The following RPS6KA2 variants were observed in gnomAD, a reference collection of about 807,000 sequenced individuals.
RPS6KA2 encodes the protein ribosomal protein S6 kinase A2.
A neutral mutation model predicts 91.8 loss-of-function variants in RPS6KA2; 42 were observed. That is an observed-to-expected ratio of 0.46 (90% CI 0.36 to 0.59). The LOEUF is 0.59. RPS6KA2 is among the 20% of genes least tolerant of loss of function. RPS6KA2 has a pLI of 0.00. For synonymous variants in RPS6KA2, 414 were observed against 393.6 expected, an observed-to-expected ratio of 1.05 and a Z score of -0.61; for missense variants, 798 against 978.5, an observed-to-expected ratio of 0.82 and a Z score of 2.46.
rs1781753886 is a variant in RPS6KA2, at chr6:166,495,472, G to A, written c.747+3036C>T. ...GACGTGCCGGGCAGCGCTGGGCCAG[G>A]CCTCCTTCAGAAGCTCTCAATATCA... On this transcript the variant is annotated intron_variant, in intron 8 of 20. Coordinates refer to ENST00000265678, the MANE Select transcript of RPS6KA2 (RefSeq NM_021135.6). This position sits in a 1 kb window ranked among gnomAD's most constrained non-coding sequence, Gnocchi z 4.4. Among the ~76,000 whole-genome samples the A allele has an allele frequency of 2.0e-5, 3 of 152,190 alleles. No individual in the cohort carries two copies. Among genetic ancestry groups the A allele is most frequent in the African/African-American group, 7.2e-5 (3 of 41,438 alleles).
At position 166,571,536 on chromosome 6, in the gene RPS6KA2, C is replaced by G. The variant is rs28599916; in HGVS notation, c.100-32752G>C. Among the ~76,000 whole-genome samples, 72 of 152,326 alleles carry G rather than the reference C, an allele frequency of 4.7e-4. 1 individual carries two copies. The highest frequency in any genetic ancestry group is 4.6e-3 in the Admixed American group (70 of 15,308). Reference sequence around the variant, plus strand: ...GTGTGTGCATGAATGCACGCACATGCGCGTTCTAGCACTCCAAAATAAACA... The same window carrying G: ...GTGTGTGCATGAATGCACGCACATGGGCGTTCTAGCACTCCAAAATAAACA... On this transcript the variant is annotated intron_variant, in intron 1 of 20. Coordinates refer to ENST00000265678, the MANE Select transcript of RPS6KA2 (RefSeq NM_021135.6).
At chr6:166,521,211 G>T (rs938396415) in intron 3 of RPS6KA2, among the ~76,000 whole-genome samples, 2 of 152,226 alleles carry the variant, frequency 1.3e-5, no homozygotes, top group Non-Finnish European at 2.9e-5. Flanking sequence ...AAATTTCAAA[G>T]GCTGGGGTCC....
chr6:166,756,241 G>C (rs987162864), intron 2 of RPS6KA2, among the ~76,000 whole-genome samples: 2 of 152,012 alleles, frequency 1.3e-5, no homozygotes, highest in African/African-American at 4.8e-5. Flanking sequence ...AGTGAGCCGA[G>C]ATCGCACCAC....
intron 2 of RPS6KA2, among the ~76,000 whole-genome samples, chr6:166,743,821 T>C (rs545411324): frequency 8.6e-5 from 13 of 150,470 alleles, no homozygotes; most frequent in Non-Finnish European, 1.8e-4. Flanking sequence ...CTTTGGCTGG[T>C]GGTCAGTGCA....
intron 2 of RPS6KA2, among the ~76,000 whole-genome samples, chr6:166,766,097 T>C (rs912586184): frequency 6.6e-6 from 1 of 152,244 alleles, no homozygotes; most frequent in African/African-American, 2.4e-5. Flanking sequence ...TGATGACGTC[T>C]TTGGGGTTGC....
intron 3 of RPS6KA2, among the ~76,000 whole-genome samples, chr6:166,514,461 C>A (rs749705556): frequency 1.3e-5 from 2 of 152,152 alleles, no homozygotes; most frequent in Non-Finnish European, 2.9e-5. Flanking sequence ...CCGGGAGCCT[C>A]CAGGTGCTTG....
rs1788305749 is a variant in RPS6KA2, at chr6:166,666,007, A to G, written c.124-127223T>C. Among the ~76,000 whole-genome samples, 1 of 152,242 alleles carries G rather than the reference A, an allele frequency of 6.6e-6. No homozygotes were observed. Among genetic ancestry groups the G allele is most frequent in the Admixed American group, 6.5e-5 (1 of 15,286 alleles). On this transcript the variant is annotated intron_variant, in intron 2 of 21. Transcript: ENST00000503859. The surrounding 1 kb of genome is among the most constrained non-coding windows in gnomAD (Gnocchi z 4.0). ...TAGCTTAAATCAAGTGGAAAAGCCCACATCACCACAGGCTGCGATCTGAAG... is the reference window on the plus strand; with the variant it reads ...TAGCTTAAATCAAGTGGAAAAGCCCGCATCACCACAGGCTGCGATCTGAAG...
rs775255143 is a variant in RPS6KA2 at position 166,412,721 on chromosome 6, G to A, written c.*41C>T. The A allele has an allele frequency of 5.1e-6, 8 of 1,554,062 alleles. No homozygotes were observed. The East Asian group carries it at 1.4e-4, about 27-fold the overall frequency. On this transcript the variant is annotated 3_prime_UTR_variant, in exon 21 of 21. Transcript: ENST00000265678. This position sits in a 1 kb window ranked among gnomAD's most constrained non-coding sequence, Gnocchi z 4.3. Reference sequence around the variant, plus strand: ...CCGAGGCCGGGGTCTGTGAGCCCACGAGGATGCTGGCAGGGGACGCTGGGG... The same window carrying A: ...CCGAGGCCGGGGTCTGTGAGCCCACAAGGATGCTGGCAGGGGACGCTGGGG...
At chr6:166,416,038 C>A (rs1778495647) in intron 19 of RPS6KA2, among the ~76,000 whole-genome samples, 2 of 148,170 alleles carry the variant, frequency 1.3e-5, no homozygotes, top group South Asian at 4.2e-4. Context: ...ATCATCTTCA[C>A]CACCTCCACC....
At chr6:166,583,922 T>C (rs190162799) in intron 1 of RPS6KA2, among the ~76,000 whole-genome samples, 1 of 152,340 alleles carries the variant, frequency 6.6e-6, no homozygotes, top group East Asian at 1.9e-4. Flanking sequence ...TCAAGTAATT[T>C]CATCACCTTA....
In RPS6KA2 at chr6:166,440,785, C is replaced by T. The variant is rs182577549; in HGVS notation, c.1332+7939G>A. Among the ~76,000 whole-genome samples the T allele has an allele frequency of 3.1e-3, 475 of 152,252 alleles. 4 individuals carry two copies. Among genetic ancestry groups the T allele is most frequent in the African/African-American group, 0.01 (434 of 41,534 alleles). On this transcript the variant is annotated intron_variant, in intron 14 of 20. Transcript: ENST00000265678. ...TGTTTCCAAAGTTGGTATACTAGAG[C>T]GGTGCAAAAATAATAATAAAAGTGA...
At chr6:166,614,534 C>A (rs892876506) in intron 1 of RPS6KA2, among the ~76,000 whole-genome samples, 9 of 152,266 alleles carry the variant, frequency 5.9e-5, no homozygotes, top group African/African-American at 1.9e-4. Flanking sequence ...GCATCTTCTA[C>A]AACATGCTAT....
At chr6:166,477,561 C>T (rs1781022838) in intron 10 of RPS6KA2, among the ~76,000 whole-genome samples, 1 of 152,214 alleles carries the variant, frequency 6.6e-6, no homozygotes, top group African/African-American at 2.4e-5. Flanking sequence ...TACTTTGTCA[C>T]ATTCACCCAA....
chr6:166,475,904 C>T, intron 10 of RPS6KA2: 1 of 480,094 alleles, frequency 2.1e-6, no homozygotes, highest in Non-Finnish European at 4.3e-6. Context: ...TGTATAAACA[C>T]ATTATGCCAT....
At chr6:166,812,626 C>T (rs947302547) in intron 2 of RPS6KA2, among the ~76,000 whole-genome samples, 1 of 152,134 alleles carries the variant, frequency 6.6e-6, no homozygotes, top group African/African-American at 2.4e-5. Flanking sequence ...GGCCACGTGG[C>T]CTCAAGCTCC....
intron 10 of RPS6KA2, among the ~76,000 whole-genome samples, chr6:166,477,299 T>C (rs1013246443): frequency 8.5e-5 from 13 of 152,138 alleles, no homozygotes; most frequent in African/African-American, 3.1e-4. Flanking sequence ...TGGCCCGAGG[T>C]GAGCCATTCT....
chr6:166,678,315 T>C (rs2128563885), intron 2 of RPS6KA2, among the ~76,000 whole-genome samples: 1 of 152,158 alleles, frequency 6.6e-6, no homozygotes, highest in Non-Finnish European at 1.5e-5. Context: ...ACATCTCTCA[T>C]CCCCCTGACT....
At chr6:166,466,831 C>G (rs567942711) in intron 11 of RPS6KA2, among the ~76,000 whole-genome samples, 1 of 152,112 alleles carries the variant, frequency 6.6e-6, no homozygotes, top group African/African-American at 2.4e-5. Context: ...CACTCCCTCA[C>G]TCACTCATTC....
chr6:166,832,662 G>A (rs970977379), intron 2 of RPS6KA2, among the ~76,000 whole-genome samples: 1 of 152,168 alleles, frequency 6.6e-6, no homozygotes, highest in African/African-American at 2.4e-5. Context: ...TTAAATGTTA[G>A]GAAATGCAGG....
Sources: allele counts gnomAD v4.1 joint callset (sites outside exome capture counted in the v4.1 genomes callset), GRCh38; gene constraint gnomAD v4.1.1; non-coding constraint Gnocchi (gnomAD v3.1); transcripts MANE v1.5; gene names NCBI Gene and HGNC (gene_info 2026-07-23, HGNC 2026-07-21).